Variants in MIA2 observed in about 807,000 individuals in gnomAD.
MIA2 encodes the protein MIA SH3 domain ER export factor 2.
In MIA2, 127 loss-of-function variants were observed where a neutral mutation model predicts 167.8. The ratio of observed to expected loss-of-function variants is 0.76; its 90% confidence interval spans 0.66 to 0.88. The LOEUF is 0.88. MIA2 is among the 40% of genes least tolerant of loss of function. The pLI is 0.00. For missense variants in MIA2, 1,690 were observed against 1,624.7 expected (o/e 1.04, Z -0.69); for synonymous variants, 552 against 541.9 (o/e 1.02, Z -0.26).
intron 9 of MIA2, among the ~76,000 whole-genome samples, chr14:39,288,490 T>TTG (rs1310650672): frequency 1.0e-4 from 11 of 109,256 alleles, no homozygotes; most frequent in East Asian, 2.7e-4. Context: ...TTTTTTTTTT[T>TTG]TTGAGACGGA....
intron 6 of MIA2, among the ~76,000 whole-genome samples, chr14:39,258,160 A>G (rs1466505302): frequency 6.6e-6 from 1 of 152,126 alleles, no homozygotes; most frequent in African/African-American, 2.4e-5. Flanking sequence ...GTTCTCCTGG[A>G]TAATATCTGG....
At chr14:39,382,887 CAAG>C (rs1234782903) in intron 23 of MIA2, among the ~76,000 whole-genome samples, 8 of 134,468 alleles carry the variant, frequency 5.9e-5, no homozygotes, top group Admixed American at 1.5e-4. Flanking sequence ...GGTACAATAA[CAAG>C]ATAAGAATTG....
intron 18 of MIA2, among the ~76,000 whole-genome samples, chr14:39,312,322 C>T (rs750665768): frequency 1.6e-4 from 24 of 152,238 alleles, no homozygotes; most frequent in Admixed American, 2.6e-4. Context: ...CCATGCCCGT[C>T]GCACTTTCGT....
At chr14:39,358,178 T>G (rs900636298) in intron 23 of MIA2, among the ~76,000 whole-genome samples, 1 of 152,216 alleles carries the variant, frequency 6.6e-6, no homozygotes, top group Non-Finnish European at 1.5e-5. Context: ...TCCCCGTCAC[T>G]TTCAGGTACA....
At chr14:39,316,675 G>A (rs1213932644) in intron 21 of MIA2, among the ~76,000 whole-genome samples, 1 of 152,162 alleles carries the variant, frequency 6.6e-6, no homozygotes. Flanking sequence ...GTAAGATTCT[G>A]TATGCTTTAG....
At chr14:39,242,802 GA>G (rs777428922) in intron 3 of MIA2, among the ~76,000 whole-genome samples, 1 of 151,928 alleles carries the variant, frequency 6.6e-6, no homozygotes, top group Non-Finnish European at 1.5e-5. Flanking sequence ...GTACTCTTGG[GA>G]ATAGCACCTG....
rs748538120 is a variant in MIA2 at position 39,234,243 on chromosome 14, C to G, written c.115+14C>G. ...TGGAATGTGAAGGTAAGTTTGCTTCCCCCGCTTCTTCTCCTCCTAAATTGA... is the reference window on the plus strand; with the variant it reads ...TGGAATGTGAAGGTAAGTTTGCTTCGCCCGCTTCTTCTCCTCCTAAATTGA... On this transcript the variant is annotated intron_variant, in intron 1 of 28. Transcript: ENST00000640607. 2.0e-6 allele frequency: 3 copies of G among 1,529,296 alleles called. No homozygotes were observed. In the South Asian group the frequency reaches 3.4e-5, roughly 18 times the overall value. The allele number at this position is 1,529,296 out of a possible 1,614,324, so 94.7% of individuals were successfully genotyped here. A position where few individuals can be genotyped will look rare whatever the true frequency, so the allele number is the denominator to read the frequency against.
rs1180493255 is a variant in MIA2, at chr14:39,237,403, C to G, written c.249+348C>G. 1.4e-5 allele frequency: 4 copies of G among 294,022 alleles called. No individual in the cohort carries two copies. In the East Asian group the frequency reaches 3.7e-4, roughly 27 times the overall value. 18.2% of individuals were successfully genotyped at this position (294,022 alleles called of 1,614,324 possible). On this transcript the variant is annotated intron_variant, in intron 2 of 28. Coordinates refer to ENST00000640607, the MANE Select transcript of MIA2 (RefSeq NM_001329214.4). ...TCGGCCTCCCAAAGTGCCAGGATTACAGGTGTGAGCCACCGCACCCGCCCA... is the reference window on the plus strand; with the variant it reads ...TCGGCCTCCCAAAGTGCCAGGATTAGAGGTGTGAGCCACCGCACCCGCCCA...
In MIA2 at chr14:39,320,944, T is replaced by A; in HGVS notation, c.3384T>A (p.Gly1128=). 1.9e-6 allele frequency: 3 copies of A among 1,613,386 alleles called. No homozygotes were observed. The highest frequency in any genetic ancestry group is 2.5e-6 in the Non-Finnish European group (3 of 1,179,640). ...TAFGREHSPY[G]PSPLGWPSSE... is the part of the protein sequence containing the mutation. The stretch of plus-strand genomic sequence containing the variant: ...TTATTCCAGAGCATTCCCCATATGG[T>A]CCCTCACCATTGGGTTGGCCTTCAT... Residue 1128 remains glycine (G), a synonymous_variant, in exon 24 of 29, where the codon GGT becomes GGA. Transcript: ENST00000640607.
At position 39,238,811 on chromosome 14, in the gene MIA2, A is replaced by AAAAAAAAAAAAAAAAAAAAAAAAC; in HGVS notation, c.250-1750_250-1749insAAAAAAAAAAAAAAAAAAAAAAAC. ...CCTGTCTCAAAAAAAAAAAAAAAAAACCCAAAAAACAAAAAAACCTAGCTG... is the reference window on the plus strand; with the variant it reads ...CCTGTCTCAAAAAAAAAAAAAAAAAAAAAAAAAAAAAAAAAAAAAAAAACCCCAAAAAACAAAAAAACCTAGCTG... On this transcript the variant is annotated intron_variant, in intron 2 of 28. Coordinates refer to ENST00000640607, the MANE Select transcript of MIA2 (RefSeq NM_001329214.4). Among the ~76,000 whole-genome samples the AAAAAAAAAAAAAAAAAAAAAAAAC allele has an allele frequency of 6.7e-4, 69 of 103,620 alleles. 1 individual carries two copies. The highest frequency in any genetic ancestry group is 1.4e-3 in the African/African-American group (36 of 25,556). The allele number at this position is 103,620 out of a possible 152,430, so 68.0% of individuals were successfully genotyped here. A position where few individuals can be genotyped will look rare whatever the true frequency, so the allele number is the denominator to read the frequency against.
chr14:39,355,425 T>C (rs892161949), downstream of MIA2, among the ~76,000 whole-genome samples: 2 of 152,202 alleles, frequency 1.3e-5, no homozygotes, highest in Admixed American at 6.5e-5. Flanking sequence ...TTTGCTGAAG[T>C]TGCTTATCAG....
intron 24 of MIA2, among the ~76,000 whole-genome samples, chr14:39,323,630 A>G (rs2066906871): frequency 6.6e-6 from 1 of 152,144 alleles, no homozygotes; most frequent in African/African-American, 2.4e-5. Flanking sequence ...TTTAATCTTA[A>G]TTAGCATTAT....
Position 39,240,552 on chromosome 14 carries a change from T to C in MIA2, c.250-9T>C, listed in dbSNP as rs1002326276. On this transcript the variant is annotated splice_polypyrimidine_tract_variant and intron_variant, in intron 2 of 28. Coordinates refer to ENST00000640607, the MANE Select transcript of MIA2 (RefSeq NM_001329214.4). ...CTTCCTCGATAATCTTTGTTCTTCA[T>C]TTTGACAGAAAGGAAAGGAGTTTGG... The C allele has an allele frequency of 6.2e-7, 1 of 1,600,860 alleles. No homozygotes were observed. The highest frequency in any genetic ancestry group is 8.6e-7 in the Non-Finnish European group (1 of 1,169,078).
At chr14:39,339,093 A>T (rs2071167449) in intron 25 of MIA2, among the ~76,000 whole-genome samples, 1 of 152,158 alleles carries the variant, frequency 6.6e-6, no homozygotes, top group African/African-American at 2.4e-5. Flanking sequence ...TTAGATTCTC[A>T]TAAGGAATGC....
At chr14:39,376,135 G>A (rs2075041544) in intron 23 of MIA2, among the ~76,000 whole-genome samples, 2 of 151,978 alleles carry the variant, frequency 1.3e-5, no homozygotes, top group Admixed American at 6.6e-5. Context: ...TGTATTTTTA[G>A]TAGAGATGGG....
At chr14:39,370,078 A>G (rs2074904341) in intron 23 of MIA2, among the ~76,000 whole-genome samples, 1 of 152,266 alleles carries the variant, frequency 6.6e-6, no homozygotes, top group South Asian at 2.1e-4. Flanking sequence ...CAGCAATATT[A>G]TAATACAACA....
chr14:39,308,435 A>C lies in MIA2; in HGVS notation c.2879-14A>C. ...ATGTTTCTCCTTTAATTATGACTTA[A>C]AATTTTTATATAGAGCATATTAAAA... is the stretch of plus-strand genomic sequence containing the variant. On this transcript the variant is annotated splice_polypyrimidine_tract_variant and intron_variant, in intron 17 of 28. Transcript: ENST00000640607. The C allele has an allele frequency of 2.1e-6, 3 of 1,438,650 alleles. No individual in the cohort carries two copies. The highest frequency in any genetic ancestry group is 2.8e-6 in the Non-Finnish European group (3 of 1,077,126). The allele number at this position is 1,438,650 out of a possible 1,614,324, so 89.1% of individuals were successfully genotyped here. A position where few individuals can be genotyped will look rare whatever the true frequency, so the allele number is the denominator to read the frequency against.
At chr14:39,268,589 G>T (rs1296096119) in intron 6 of MIA2, among the ~76,000 whole-genome samples, 2 of 152,204 alleles carry the variant, frequency 1.3e-5, no homozygotes, top group African/African-American at 4.8e-5. Context: ...ATGCTTGCCG[G>T]AGATGTAAGT....
intron 14 of MIA2, among the ~76,000 whole-genome samples, chr14:39,301,570 A>C (rs2062504482): frequency 6.6e-6 from 1 of 152,226 alleles, no homozygotes. Context: ...GGGTCCCTCC[A>C]GAGGAATACA....
Sources: gnomAD v4.1 joint callset for allele counts (sites outside exome capture counted in the v4.1 genomes callset) on GRCh38, gnomAD v4.1.1 for gene constraint, MANE v1.5 for transcripts, NCBI Gene and HGNC (gene_info 2026-07-23, HGNC 2026-07-21) for gene names.